Variants in TDRP observed in about 807,000 individuals in gnomAD.
TDRP encodes the protein testis development-related protein.
In TDRP, 12 loss-of-function variants were observed where a neutral mutation model predicts 10.5. The observed-to-expected ratio is 1.15, with a 90% CI of 0.73 to 1.86. The LOEUF (loss-of-function observed/expected upper bound fraction) is 1.86. Ranked by LOEUF, TDRP falls within the 40% of genes most tolerant of loss-of-function variation. The probability of loss-of-function intolerance (pLI) is 0.00; values close to 1 mark genes in which losing one functional copy is unlikely to be tolerated. For synonymous variants in TDRP, 139 were observed against 95.4 expected (o/e 1.46, Z -2.67); for missense variants, 353 against 229.2 (o/e 1.54, Z -3.49).
chr8:494,349 G>A (rs569786406), intron 2 of TDRP, 145 bp downstream of exon 2: 83 of 664,174 alleles, frequency 1.2e-4, no homozygotes, highest in East Asian at 4.7e-4. Flanking sequence ...AGGGACAGAC[G>A]GAGTGGGGAG....
At chr8:494,259 C>A (rs1801068156) in intron 2 of TDRP, among the ~76,000 whole-genome samples, 2 of 152,090 alleles carry the variant, frequency 1.3e-5, no homozygotes, top group African/African-American at 4.8e-5. Flanking sequence ...CCATGCCCAG[C>A]CCATTTCTGT....
At position 492,064 on chromosome 8, in the gene TDRP, CAG is replaced by C. The variant is rs1800992592; in HGVS notation, c.*333_*334del. The C allele has an allele frequency of 8.7e-7, 1 of 1,148,818 alleles. No homozygotes were observed. Among genetic ancestry groups the C allele is most frequent in the South Asian group, 4.0e-5 (1 of 24,796 alleles). The allele number at this position is 1,148,818 out of a possible 1,614,324, so 71.2% of individuals were successfully genotyped here. A position where few individuals can be genotyped will look rare whatever the true frequency, so the allele number is the denominator to read the frequency against. ...GAAGTTCTGAAACAGAACTACAACA[CAG>C]AGCAGCATGAAAATCATTTTGTGAG... is the stretch of plus-strand genomic sequence containing the variant. On this transcript the variant is annotated 3_prime_UTR_variant, in exon 3 of 3. Transcript: ENST00000324079.
chr8:540,676 T>C (rs1051825440), intron 1 of TDRP, among the ~76,000 whole-genome samples: 2 of 152,136 alleles, frequency 1.3e-5, no homozygotes, highest in African/African-American at 4.8e-5. Flanking sequence ...CTAAAAAGAT[T>C]CTCAGAGAAG....
chr8:492,465 C>A lies in TDRP; in HGVS notation c.492G>T (p.Gly164=), dbSNP rs776725236. The A allele has an allele frequency of 6.2e-7, 1 of 1,603,788 alleles. No homozygotes were observed. The highest frequency in any genetic ancestry group is 8.5e-7 in the Non-Finnish European group (1 of 1,172,594). Residue 164 remains glycine (G), a synonymous_variant, in exon 3 of 3, where the codon GGG becomes GGT. Coordinates refer to ENST00000324079, the MANE Select transcript of TDRP (RefSeq NM_001384899.1). ...NSSRWSLRAA[G]RLVSIRRQSK... Reference sequence around the variant, plus strand: ...TCTGCCGTCGGATGCTCACCAGCCTCCCTGCCGCGCGCAGGCTCCACCTGG... The same window carrying A: ...TCTGCCGTCGGATGCTCACCAGCCTACCTGCCGCGCGCAGGCTCCACCTGG...
intron 1 of TDRP, among the ~76,000 whole-genome samples, chr8:541,497 T>C (rs2084415): frequency 0.26 from 39,131 of 152,148 alleles, 5,170 homozygotes; most frequent in East Asian, 0.36. Flanking sequence ...AAAATCTTTA[T>C]AGAACACATA....
intron 1 of TDRP, 91 bp from the exon 2 acceptor site, chr8:494,688 G>C (rs1381927381): frequency 4.2e-6 from 5 of 1,178,356 alleles, no homozygotes; most frequent in Non-Finnish European, 6.1e-6. Flanking sequence ...TTGAAATTTA[G>C]AAAAAAGAAT....
intron 1 of TDRP, among the ~76,000 whole-genome samples, chr8:536,705 A>T (rs923613084): frequency 6.6e-6 from 1 of 152,222 alleles, no homozygotes; most frequent in African/African-American, 2.4e-5. Context: ...TATTGAATTA[A>T]AACTTTTTAA....
At chr8:541,393 C>A in intron 1 of TDRP, among the ~76,000 whole-genome samples, 1 of 152,124 alleles carries the variant, frequency 6.6e-6, no homozygotes, top group Non-Finnish European at 1.5e-5. Flanking sequence ...GCACATCCAT[C>A]AAAGAAATAA....
At position 490,796 on chromosome 8, in the gene TDRP, C is replaced by G. The variant is rs1056412026; in HGVS notation, c.*1603G>C. The G allele has an allele frequency of 2.6e-5, 4 of 152,070 alleles. No individual in the cohort carries two copies. The highest frequency in any genetic ancestry group is 5.9e-5 in the Non-Finnish European group (4 of 68,014). 9.4% of individuals were successfully genotyped at this position (152,070 alleles called of 1,614,324 possible). On this transcript the variant is annotated 3_prime_UTR_variant, in exon 3 of 3. Transcript: ENST00000324079. ...TCCACAACTTCACCATTTCAAGGTTCTAATACAAGCTGGAATTTTTGTTTG... is the reference window on the plus strand; with the variant it reads ...TCCACAACTTCACCATTTCAAGGTTGTAATACAAGCTGGAATTTTTGTTTG...
At chr8:531,869 C>T (rs1802208954) in intron 1 of TDRP, among the ~76,000 whole-genome samples, 1 of 152,156 alleles carries the variant, frequency 6.6e-6, no homozygotes. Flanking sequence ...CATATTATTT[C>T]AACCTAGTAT....
intron 1 of TDRP, among the ~76,000 whole-genome samples, chr8:544,185 AG>A (rs1802574113): frequency 6.6e-6 from 1 of 152,116 alleles, no homozygotes; most frequent in African/African-American, 2.4e-5. Flanking sequence ...AGTGTCCGCG[AG>A]GAGGCCGTCC....
chr8:502,789 T>G (rs540055637), intron 1 of TDRP, among the ~76,000 whole-genome samples: 1 of 118,842 alleles, frequency 8.4e-6, no homozygotes, highest in Non-Finnish European at 1.8e-5. Flanking sequence ...TCCAGAGCCA[T>G]ACACTGGAAC....
chr8:492,869 T>C (rs189238475), intron 2 of TDRP, 125 bp from the exon 3 acceptor site: 214 of 762,018 alleles, frequency 2.8e-4, no homozygotes, highest in Admixed American at 4.0e-4. Flanking sequence ...CACAAGTCTA[T>C]ATGAAAAGTT....
chr8:505,816 A>G (rs1801446275), intron 1 of TDRP, among the ~76,000 whole-genome samples: 1 of 152,236 alleles, frequency 6.6e-6, no homozygotes, highest in Admixed American at 6.5e-5. Context: ...TGCAGGGTCC[A>G]GAGGCAGCCA....
In TDRP at chr8:544,631, C is replaced by T; in HGVS notation, c.108+19G>A. The T allele has an allele frequency of 8.1e-7, 1 of 1,234,398 alleles. No individual in the cohort carries two copies. Among genetic ancestry groups the T allele is most frequent in the Non-Finnish European group, 1.0e-6 (1 of 988,354 alleles). 76.5% of individuals were successfully genotyped at this position (1,234,398 alleles called of 1,614,324 possible). ...GCGCCCCCGGCCTACTAGCACTCCC[C>T]ACCTGCGCACCCCCTCACCTGCGCC... On this transcript the variant is annotated intron_variant, in intron 1 of 2. Coordinates refer to ENST00000324079, the MANE Select transcript of TDRP (RefSeq NM_001384899.1).
At position 540,120 on chromosome 8, in the gene TDRP, C is replaced by T. The variant is rs113549947; in HGVS notation, c.108+4530G>A. On this transcript the variant is annotated intron_variant, in intron 1 of 2. Coordinates refer to ENST00000324079, the MANE Select transcript of TDRP (RefSeq NM_001384899.1). The stretch of plus-strand genomic sequence containing the variant: ...TCTAAACCATCCATGTTGAACAGAT[C>T]TCTGCACTTCTTTTCTCTACTATTT... 1.5e-3 allele frequency among the ~76,000 whole-genome samples: 226 copies of T among 152,350 alleles called. 1 individual carries two copies. Among genetic ancestry groups the T allele is most frequent in the African/African-American group, 5.1e-3 (210 of 41,582 alleles).
rs562443340 is a variant in TDRP, at chr8:523,104, T to G, written c.108+21546A>C. Among the ~76,000 whole-genome samples the G allele has an allele frequency of 4.6e-5, 7 of 152,330 alleles. No individual in the cohort carries two copies. The South Asian group carries it at 1.0e-3, about 23-fold the overall frequency. ...TGTAGTAATTTTGACCCTCTTTTCCTCTCTTGCTGACTTCCTTTAATATTT... is the reference window on the plus strand; with the variant it reads ...TGTAGTAATTTTGACCCTCTTTTCCGCTCTTGCTGACTTCCTTTAATATTT... On this transcript the variant is annotated intron_variant, in intron 1 of 2. Coordinates refer to ENST00000324079, the MANE Select transcript of TDRP (RefSeq NM_001384899.1).
intron 1 of TDRP, among the ~76,000 whole-genome samples, chr8:503,020 A>G (rs1440743524): frequency 6.6e-6 from 1 of 151,618 alleles, no homozygotes; most frequent in Non-Finnish European, 1.5e-5. Flanking sequence ...ACCAATGCCC[A>G]CCTCAGCATG....
intron 1 of TDRP, among the ~76,000 whole-genome samples, chr8:506,602 C>T (rs13268617): frequency 0.23 from 34,505 of 152,058 alleles, 4,059 homozygotes; most frequent in East Asian, 0.34. Flanking sequence ...CGAGAGGTGA[C>T]GGTTCCACCC....
Sources: gnomAD v4.1 joint callset for allele counts (sites outside exome capture counted in the v4.1 genomes callset) on GRCh38, gnomAD v4.1.1 for gene constraint, MANE v1.5 for transcripts, NCBI Gene and HGNC (gene_info 2026-07-23, HGNC 2026-07-21) for gene names.